AAMDC: variants seen among roughly 807,000 people sequenced by gnomAD.
The protein encoded by AAMDC is mth938 domain-containing protein.
A neutral mutation model predicts 15.5 loss-of-function variants in AAMDC; 16 were observed. The ratio of observed to expected loss-of-function variants is 1.03; its 90% CI spans 0.70 to 1.57. AAMDC has a LOEUF of 1.57. AAMDC is among the 40% of genes most tolerant of loss of function. The probability of loss-of-function intolerance (pLI) is 0.00; values close to 1 mark genes in which losing one functional copy is unlikely to be tolerated. For missense variants in AAMDC, 141 were observed against 144.9 expected (o/e 0.97, Z 0.14); for synonymous variants, 51 against 51.6 (o/e 0.99, Z 0.05).
At position 77,863,257 on chromosome 11, in the gene AAMDC, T is replaced by A. The variant is rs370491410; in HGVS notation, c.133-6465T>A. 5.3e-5 allele frequency among the ~76,000 whole-genome samples: 8 copies of A among 152,156 alleles called. No individual in the cohort carries two copies. The South Asian group carries it at 1.7e-3, about 32-fold the overall frequency. On this transcript the variant is annotated intron_variant, in intron 2 of 3. Coordinates refer to ENST00000393427, the MANE Select transcript of AAMDC (RefSeq NM_024684.4). ...AATGGCAAGCCTTTATTTAGCCCAA[T>A]CGGGAGCGGCAATGGGCGCTCAGGA...
At chr11:77,834,021 G>C (rs767384199) in intron 1 of AAMDC, among the ~76,000 whole-genome samples, 4 of 152,202 alleles carry the variant, frequency 2.6e-5, no homozygotes, top group Non-Finnish European at 4.4e-5. Flanking sequence ...TTTGAAACTA[G>C]TTACCACCAT....
intron 2 of AAMDC, among the ~76,000 whole-genome samples, chr11:77,860,195 C>T (rs548629754): frequency 1.3e-5 from 2 of 152,326 alleles, no homozygotes; most frequent in African/African-American, 4.8e-5. Flanking sequence ...TTAGGGCCTT[C>T]TTTAGGGCCT....
chr11:77,880,367 G>A (rs1387540607), intron 5 of AAMDC, among the ~76,000 whole-genome samples: 1 of 152,096 alleles, frequency 6.6e-6, no homozygotes, highest in African/African-American at 2.4e-5. Flanking sequence ...TCAGCCCAAG[G>A]CCAGAGCAAT....
intron 5 of AAMDC, among the ~76,000 whole-genome samples, chr11:77,890,555 G>C (rs1327292547): frequency 6.3e-4 from 96 of 152,110 alleles, no homozygotes; most frequent in African/African-American, 2.2e-3. Flanking sequence ...TTTTTTAGGA[G>C]ACAGTCTAGG....
downstream of AAMDC, among the ~76,000 whole-genome samples, chr11:77,872,946 G>A (rs769071785): frequency 1.1e-4 from 17 of 152,210 alleles, no homozygotes; most frequent in Non-Finnish European, 1.9e-4. Context: ...GAGAGACTCC[G>A]TTTCAAAAAA....
chr11:77,900,388 C>T (rs956559827), intron 5 of AAMDC, among the ~76,000 whole-genome samples: 20 of 152,250 alleles, frequency 1.3e-4, no homozygotes, highest in East Asian at 5.8e-4. Flanking sequence ...TGTGAGCCAC[C>T]ACACCCGGCC....
chr11:77,892,117 A>G (rs1368299044), intron 5 of AAMDC, among the ~76,000 whole-genome samples: 1 of 152,218 alleles, frequency 6.6e-6, no homozygotes, highest in Non-Finnish European at 1.5e-5. Context: ...GCATCATTAG[A>G]ATTTTTATTT....
chr11:77,897,982 G>T (rs554992733), intron 5 of AAMDC, among the ~76,000 whole-genome samples: 1 of 151,826 alleles, frequency 6.6e-6, no homozygotes, highest in Admixed American at 6.6e-5. Context: ...GCTAATTTTT[G>T]ATTTTTATTT....
At chr11:77,898,747 C>T (rs531869834) in intron 5 of AAMDC, among the ~76,000 whole-genome samples, 4 of 152,272 alleles carry the variant, frequency 2.6e-5, no homozygotes, top group South Asian at 2.1e-4. Context: ...CAGCCAGGCA[C>T]GGTAGCTCAC....
In AAMDC at chr11:77,826,134, A is replaced by G. The variant is rs560376296; in HGVS notation, c.-19+4893A>G. Among the ~76,000 whole-genome samples, 21 of 152,150 alleles carry G rather than the reference A, an allele frequency of 1.4e-4. 1 individual carries two copies. The South Asian group carries it at 3.7e-3, about 27-fold the overall frequency. On this transcript the variant is annotated intron_variant, in intron 1 of 3. Transcript: ENST00000393427. ...AGTGGCTCATGCCTATAATCTCAGCACTCTGAGAGGCCGAGGTGGGAGTTC... is the reference window on the plus strand; with the variant it reads ...AGTGGCTCATGCCTATAATCTCAGCGCTCTGAGAGGCCGAGGTGGGAGTTC...
intron 1 of AAMDC, among the ~76,000 whole-genome samples, chr11:77,841,637 C>T (rs1288934856): frequency 1.3e-5 from 2 of 152,112 alleles, no homozygotes; most frequent in African/African-American, 4.8e-5. Flanking sequence ...ATCCATTAGC[C>T]CAGAATGTTT....
chr11:77,867,534 A>G (rs1474923261), intron 2 of AAMDC, among the ~76,000 whole-genome samples: 2 of 152,240 alleles, frequency 1.3e-5, no homozygotes, highest in South Asian at 2.1e-4. Flanking sequence ...AAATACTGAG[A>G]CTTGGCACAG....
chr11:77,833,007 A>ATT lies in AAMDC; in HGVS notation c.-18-9471_-18-9470insTT, dbSNP rs1413082849. 6.7e-4 allele frequency among the ~76,000 whole-genome samples: 35 copies of ATT among 51,948 alleles called. 4 individuals are homozygous for ATT. Among genetic ancestry groups the ATT allele is most frequent in the African/African-American group, 2.6e-3 (27 of 10,328 alleles). The allele number at this position is 51,948 out of a possible 152,430, so 34.1% of individuals were successfully genotyped here. A position where few individuals can be genotyped will look rare whatever the true frequency, so the allele number is the denominator to read the frequency against. On this transcript the variant is annotated intron_variant, in intron 1 of 3. Coordinates refer to ENST00000393427, the MANE Select transcript of AAMDC (RefSeq NM_024684.4). Reference sequence around the variant, plus strand: ...TGTGTGTGTGTGTGTGTATATATATATATTTTTTTTTTTTTTTTTTTTGAG... The same window carrying ATT: ...TGTGTGTGTGTGTGTGTATATATATATTTATTTTTTTTTTTTTTTTTTTTGAG...
intron 5 of AAMDC, among the ~76,000 whole-genome samples, chr11:77,880,452 C>T (rs757820463): frequency 2.6e-5 from 4 of 152,228 alleles, no homozygotes; most frequent in Non-Finnish European, 4.4e-5. Context: ...GATAAGCACA[C>T]ACTCACATGA....
At chr11:77,872,052 T>C in intron 3 of AAMDC, 123 bp from the exon 4 acceptor site, 2 of 1,130,286 alleles carry the variant, frequency 1.8e-6, no homozygotes, top group Non-Finnish European at 2.4e-6. Flanking sequence ...GGTGATACAC[T>C]GAGTGATCGT....
chr11:77,878,745 G>A (rs765811328), intron 5 of AAMDC: 2 of 695,654 alleles, frequency 2.9e-6, no homozygotes, highest in South Asian at 3.1e-5. Context: ...CTTTATTGTG[G>A]ACAGGAGAAG....
intron 5 of AAMDC, among the ~76,000 whole-genome samples, chr11:77,891,993 A>G (rs1262930304): frequency 1.3e-5 from 2 of 152,174 alleles, no homozygotes; most frequent in East Asian, 3.8e-4. Flanking sequence ...TACCTATACA[A>G]TCATGCCTCA....
chr11:77,872,101 C>A, intron 3 of AAMDC, 74 bp from the exon 4 acceptor site: 2 of 1,483,584 alleles, frequency 1.3e-6, no homozygotes, highest in Non-Finnish European at 1.8e-6. Context: ...GTAGAGTACA[C>A]CTGCCTCATG....
intron 2 of AAMDC, among the ~76,000 whole-genome samples, chr11:77,852,951 T>C (rs1590953009): frequency 1.3e-5 from 2 of 152,302 alleles, no homozygotes; most frequent in African/African-American, 4.8e-5. Context: ...AAGGGATGGG[T>C]ACTCGATTGC....
Sources: allele counts gnomAD v4.1 joint callset (sites outside exome capture counted in the v4.1 genomes callset), GRCh38; gene constraint gnomAD v4.1.1; transcripts MANE v1.5; gene names NCBI Gene and HGNC (gene_info 2026-07-23, HGNC 2026-07-21).